Variants in ENPP1 observed in about 807,000 individuals in gnomAD.
ENPP1 encodes the protein ectonucleotide pyrophosphatase/phosphodiesterase family member 1.
In ENPP1, 73 loss-of-function variants were observed where a neutral mutation model predicts 122.8. The observed-to-expected ratio is 0.59, with a 90% CI of 0.49 to 0.72. ENPP1 has a LOEUF of 0.72. Among genes scored for constraint, ENPP1 ranks in the 30% least tolerant of loss-of-function variants. The pLI is 0.00. For missense variants in ENPP1, 978 were observed against 1,128.1 expected (o/e 0.87, Z 1.91); for synonymous variants, 367 against 391.6 (o/e 0.94, Z 0.74).
chr6:131,837,880 T>C (rs1781696640), intron 1 of ENPP1, among the ~76,000 whole-genome samples: 1 of 151,854 alleles, frequency 6.6e-6, no homozygotes, highest in Non-Finnish European at 1.5e-5. Flanking sequence ...CTTAAATCAT[T>C]GAGTTAATTT....
chr6:131,865,050 G>A (rs1782072306), intron 11 of ENPP1, 112 bp downstream of exon 11: 2 of 763,804 alleles, frequency 2.6e-6, no homozygotes, highest in East Asian at 4.9e-5. Flanking sequence ...TCTGGAAAAA[G>A]CAAGTATTAT....
chr6:131,847,376 T>A (rs1238785811), intron 1 of ENPP1, among the ~76,000 whole-genome samples: 1 of 152,232 alleles, frequency 6.6e-6, no homozygotes, highest in African/African-American at 2.4e-5. Context: ...TTGAGTAAAC[T>A]TTTTATTAAA....
intron 16 of ENPP1, among the ~76,000 whole-genome samples, chr6:131,875,489 A>C (rs1171516695): frequency 2.0e-5 from 3 of 152,140 alleles, no homozygotes; most frequent in Non-Finnish European, 4.4e-5. Flanking sequence ...GGGCAGGATG[A>C]GGTTTATATT....
intron 1 of ENPP1, among the ~76,000 whole-genome samples, chr6:131,831,216 T>C (rs891651954): frequency 1.3e-5 from 2 of 152,054 alleles, no homozygotes; most frequent in African/African-American, 2.4e-5. Context: ...TGCCTGTTTC[T>C]GTTTTCTCTT....
At chr6:131,881,076 A>G (rs1040189238) in intron 20 of ENPP1, among the ~76,000 whole-genome samples, 6 of 152,188 alleles carry the variant, frequency 3.9e-5, no homozygotes, top group Admixed American at 2.6e-4. Flanking sequence ...GGCAAGGTAC[A>G]GGATGCCCTA....
At chr6:131,839,924 AT>A (rs1476117141) in intron 1 of ENPP1, among the ~76,000 whole-genome samples, 1 of 152,172 alleles carries the variant, frequency 6.6e-6, no homozygotes, top group Non-Finnish European at 1.5e-5. Flanking sequence ...ACTCTTGGAC[AT>A]TATGTGTATG....
intron 1 of ENPP1, among the ~76,000 whole-genome samples, chr6:131,835,384 AAG>A (rs1781661807): frequency 1.3e-5 from 2 of 152,218 alleles, no homozygotes; most frequent in Admixed American, 1.3e-4. Flanking sequence ...ATTAATTAAA[AAG>A]AGGAATGATG....
At chr6:131,812,080 G>A (rs970717340) in intron 1 of ENPP1, among the ~76,000 whole-genome samples, 1 of 152,114 alleles carries the variant, frequency 6.6e-6, no homozygotes, top group Non-Finnish European at 1.5e-5. Context: ...CACTTACACT[G>A]GAGTTGAGGT....
intron 1 of ENPP1, among the ~76,000 whole-genome samples, chr6:131,830,919 G>A (rs533615791): frequency 4.0e-5 from 6 of 151,748 alleles, no homozygotes; most frequent in South Asian, 2.1e-4. Context: ...AAGACCAGCC[G>A]TGGCAACATG....
At chr6:131,865,484 A>C (rs1782077316) in intron 11 of ENPP1, among the ~76,000 whole-genome samples, 1 of 152,232 alleles carries the variant, frequency 6.6e-6, no homozygotes, top group South Asian at 2.1e-4. Context: ...TCATGGACTA[A>C]CACTTTCAGT....
chr6:131,828,467 GA>G (rs536201024), intron 1 of ENPP1: 2 of 251,182 alleles, frequency 8.0e-6, no homozygotes, highest in Non-Finnish European at 1.5e-5. Context: ...AAATAAATCA[GA>G]AATGCTTCAA....
intron 1 of ENPP1, among the ~76,000 whole-genome samples, chr6:131,821,991 G>C (rs1781490129): frequency 6.6e-6 from 1 of 152,084 alleles, no homozygotes; most frequent in African/African-American, 2.4e-5. Flanking sequence ...ATAATCTCTG[G>C]GATACTAGGA....
In ENPP1 at chr6:131,875,868, G is replaced by A. The variant is rs768404668; in HGVS notation, c.1723+5G>A. Reference sequence around the variant, plus strand: ...AAGTCTATAACTTAATGTGTGGTAAGTGTGAACAGGTGCCTTTTTTCCCTT... The same window carrying A: ...AAGTCTATAACTTAATGTGTGGTAAATGTGAACAGGTGCCTTTTTTCCCTT... On this transcript the variant is annotated splice_donor_5th_base_variant and intron_variant, in intron 17 of 24. Coordinates refer to ENST00000647893, the MANE Select transcript of ENPP1 (RefSeq NM_006208.3). 3 of 1,603,940 alleles carry A rather than the reference G, an allele frequency of 1.9e-6. No homozygotes were observed. Among genetic ancestry groups the A allele is most frequent in the Non-Finnish European group, 2.6e-6 (3 of 1,170,726 alleles).
At chr6:131,878,517 A>C (rs767580292) in intron 18 of ENPP1, 25 bp from the exon 19 acceptor site, 4 of 1,534,966 alleles carry the variant, frequency 2.6e-6, no homozygotes, top group South Asian at 2.2e-5. Context: ...TCAGTCCTTA[A>C]AAATAGTTTT....
At chr6:131,831,471 C>T (rs1205049799) in intron 1 of ENPP1, among the ~76,000 whole-genome samples, 2 of 151,970 alleles carry the variant, frequency 1.3e-5, no homozygotes, top group African/African-American at 4.8e-5. Flanking sequence ...TTTTTTGTTC[C>T]AGTACCCCAT....
chr6:131,842,108 C>G (rs1046150923), intron 1 of ENPP1, among the ~76,000 whole-genome samples: 1 of 152,132 alleles, frequency 6.6e-6, no homozygotes, highest in Non-Finnish European at 1.5e-5. Context: ...TATCAACCCC[C>G]GGTCCTTGGC....
rs1333049051 is a variant in ENPP1 at position 131,827,874 on chromosome 6, C to T, written c.240+19599C>T. 5 of 1,405,296 alleles carry T rather than the reference C, an allele frequency of 3.6e-6. No homozygotes were observed. In the East Asian group the frequency reaches 1.2e-4, roughly 33 times the overall value. 87.1% of individuals were successfully genotyped at this position (1,405,296 alleles called of 1,614,324 possible). A position where few individuals can be genotyped will look rare whatever the true frequency, so the allele number is the denominator to read the frequency against. On this transcript the variant is annotated intron_variant, in intron 1 of 24. Transcript: ENST00000647893. ...GCAAAATCTTGGACTCGGAGAGTTT[C>T]AGAGGCCTCACTGACTGCTCGGCCA...
At chr6:131,882,031 TAA>T (rs1185026169) in intron 20 of ENPP1, among the ~76,000 whole-genome samples, 5 of 144,514 alleles carry the variant, frequency 3.5e-5, no homozygotes, top group African/African-American at 1.4e-4. Flanking sequence ...AAAATAATAA[TAA>T]TAAATAAATA....
chr6:131,852,241 A>T lies in ENPP1; in HGVS notation c.617+6A>T, dbSNP rs1038429331. On this transcript the variant is annotated splice_donor_region_variant and intron_variant, in intron 5 of 24. Coordinates refer to ENST00000647893, the MANE Select transcript of ENPP1 (RefSeq NM_006208.3). ...GAGCCACAGTGCCCAGCAGGGTAAG[A>T]TTATATTCTGAGGTATTAATTTTTT... 2 of 1,585,680 alleles carry T rather than the reference A, an allele frequency of 1.3e-6. No individual in the cohort carries two copies. Among genetic ancestry groups the T allele is most frequent in the Non-Finnish European group, 1.7e-6 (2 of 1,160,236 alleles).
Sources: allele counts gnomAD v4.1 joint callset (sites outside exome capture counted in the v4.1 genomes callset), GRCh38; gene constraint gnomAD v4.1.1; transcripts MANE v1.5; gene names NCBI Gene and HGNC (gene_info 2026-07-23, HGNC 2026-07-21).